SEMA6D: variants seen among roughly 807,000 people sequenced by gnomAD.
SEMA6D encodes the protein semaphorin-6D.
SEMA6D carries 35 observed loss-of-function variants against 106.6 expected under a neutral mutation model. The observed-to-expected ratio is 0.33, with a 90% confidence interval of 0.25 to 0.44. SEMA6D has a LOEUF of 0.44. Ranked by LOEUF, SEMA6D falls within the 20% of genes least tolerant of loss-of-function variation. The pLI is 1.00. For missense variants in SEMA6D, 1,185 were observed against 1,345.9 expected, an observed-to-expected ratio of 0.88 and a Z score of 1.87; for synonymous variants, 499 against 487.7, an observed-to-expected ratio of 1.02 and a Z score of -0.31.
intron 4 of SEMA6D, among the ~76,000 whole-genome samples, chr15:47,698,973 T>A (rs1229516169): frequency 6.6e-6 from 1 of 152,290 alleles, no homozygotes; most frequent in Non-Finnish European, 1.5e-5. Context: ...TAAACTTAAA[T>A]TTAAAATGGC....
At chr15:47,711,805 T>C (rs930683502) in intron 4 of SEMA6D, among the ~76,000 whole-genome samples, 1 of 152,228 alleles carries the variant, frequency 6.6e-6, no homozygotes, top group Non-Finnish European at 1.5e-5. Flanking sequence ...GTGCCTCTTA[T>C]TTGGAAAGAT....
chr15:47,274,584 A>T (rs2034713012), intron 1 of SEMA6D, among the ~76,000 whole-genome samples: 1 of 152,228 alleles, frequency 6.6e-6, no homozygotes, highest in Non-Finnish European at 1.5e-5. Context: ...AGGGAAAGGA[A>T]GTAGACTGTG....
At chr15:47,195,140 G>A (rs1209649565) in intron 1 of SEMA6D, among the ~76,000 whole-genome samples, 1 of 152,010 alleles carries the variant, frequency 6.6e-6, no homozygotes, top group Non-Finnish European at 1.5e-5. Context: ...GAAACAAATG[G>A]CATTTTTACT....
chr15:47,448,601 T>C (rs2042096759), intron 2 of SEMA6D, among the ~76,000 whole-genome samples: 1 of 152,132 alleles, frequency 6.6e-6, no homozygotes, highest in Non-Finnish European at 1.5e-5. Context: ...CAGGGCCTCC[T>C]TGTTGTGAGA....
chr15:47,710,900 T>G (rs2079003965), intron 4 of SEMA6D, among the ~76,000 whole-genome samples: 1 of 152,194 alleles, frequency 6.6e-6, no homozygotes, highest in Admixed American at 6.5e-5. Context: ...CAATTCAAGC[T>G]TCTAGAAGAC....
intron 4 of SEMA6D, among the ~76,000 whole-genome samples, chr15:47,616,019 G>A (rs1265865096): frequency 1.3e-5 from 2 of 152,184 alleles, no homozygotes; most frequent in African/African-American, 2.4e-5. Context: ...AAGTCTTCCT[G>A]TAAATTAGCT....
intron 1 of SEMA6D, among the ~76,000 whole-genome samples, chr15:47,392,673 T>C (rs528476786): frequency 6.6e-6 from 1 of 152,318 alleles, no homozygotes; most frequent in South Asian, 2.1e-4. Flanking sequence ...AAATTCTGAC[T>C]TCTGACTTCC....
At chr15:47,645,747 G>A (rs1052871631) in intron 4 of SEMA6D, among the ~76,000 whole-genome samples, 6 of 152,150 alleles carry the variant, frequency 3.9e-5, no homozygotes, top group Non-Finnish European at 5.9e-5. Flanking sequence ...CCGGGTGGTT[G>A]GCCTGTGCTT....
At chr15:47,504,166 A>G (rs1048287683) in intron 3 of SEMA6D, among the ~76,000 whole-genome samples, 9 of 152,210 alleles carry the variant, frequency 5.9e-5, no homozygotes, top group African/African-American at 2.2e-4. Flanking sequence ...TTTTCACCAA[A>G]GGGTTTGAAA....
At chr15:47,664,960 C>G (rs2077995786) in intron 4 of SEMA6D, among the ~76,000 whole-genome samples, 1 of 152,164 alleles carries the variant, frequency 6.6e-6, no homozygotes. Flanking sequence ...TGTGGGAGGA[C>G]TGTATTTACC....
At position 47,367,680 on chromosome 15, in the gene SEMA6D, GCGCGCGCGCGCGCACA is replaced by G. The variant is rs2039091096; in HGVS notation, c.-238-44711_-238-44696del. ...TTCCCCTAAACACGCACGCTCACAC[GCGCGCGCGCGCGCACA>G]CACACACACACACACACACACACAC... is the stretch of plus-strand genomic sequence containing the variant. On this transcript the variant is annotated intron_variant, in intron 1 of 19. Transcript: ENST00000558014. Among the ~76,000 whole-genome samples, 4 of 39,378 alleles carry G rather than the reference GCGCGCGCGCGCGCACA, an allele frequency of 1.0e-4. No homozygotes were observed. The East Asian group carries it at 1.2e-3, about 12-fold the overall frequency. 25.8% of individuals were successfully genotyped at this position (39,378 alleles called of 152,430 possible). A position where few individuals can be genotyped will look rare whatever the true frequency, so the allele number is the denominator to read the frequency against.
chr15:47,533,818 A>C (rs1441428224), intron 3 of SEMA6D, among the ~76,000 whole-genome samples: 2 of 152,218 alleles, frequency 1.3e-5, no homozygotes, highest in Admixed American at 1.3e-4. Context: ...CATAGAAGCC[A>C]AAACTGGGAT....
At chr15:47,653,312 T>A (rs1398232266) in intron 4 of SEMA6D, among the ~76,000 whole-genome samples, 1 of 152,180 alleles carries the variant, frequency 6.6e-6, no homozygotes, top group Non-Finnish European at 1.5e-5. Flanking sequence ...AAAAAGAAAC[T>A]TGACTCTGCG....
chr15:47,479,335 A>G (rs1496908), intron 3 of SEMA6D, among the ~76,000 whole-genome samples: 39,139 of 151,922 alleles, frequency 0.26, 5,474 homozygotes, highest in Middle Eastern at 0.45. Context: ...CAGGATCTCC[A>G]TCCTCAACCT....
intron 3 of SEMA6D, among the ~76,000 whole-genome samples, chr15:47,544,414 T>C (rs2045453335): frequency 6.6e-6 from 1 of 152,116 alleles, no homozygotes; most frequent in Non-Finnish European, 1.5e-5. Context: ...TGGCTCGAAA[T>C]TGAATATCTA....
At chr15:47,186,804 C>T (rs911544089) in intron 1 of SEMA6D, among the ~76,000 whole-genome samples, 13 of 152,128 alleles carry the variant, frequency 8.5e-5, no homozygotes, top group Non-Finnish European at 1.5e-4. Context: ...GCTTGTTCAT[C>T]TTCTGAAGTC....
chr15:47,379,852 G>A, intron 1 of SEMA6D, among the ~76,000 whole-genome samples: 1 of 152,126 alleles, frequency 6.6e-6, no homozygotes, highest in East Asian at 1.9e-4. Context: ...CCACTTCCTG[G>A]ATTCAAACAA....
chr15:47,435,811 A>G (rs2041683241), intron 2 of SEMA6D, among the ~76,000 whole-genome samples: 1 of 152,090 alleles, frequency 6.6e-6, no homozygotes, highest in African/African-American at 2.4e-5. Context: ...ATTGTGTTTC[A>G]GTTTCCTTAA....
chr15:47,511,924 C>A (rs1309965787), intron 3 of SEMA6D, among the ~76,000 whole-genome samples: 3 of 152,174 alleles, frequency 2.0e-5, no homozygotes, highest in Admixed American at 6.5e-5. Context: ...GGGAAAGCAG[C>A]TTGCCTGACC....
Sources: gnomAD v4.1 joint callset for allele counts (sites outside exome capture counted in the v4.1 genomes callset) on GRCh38, gnomAD v4.1.1 for gene constraint, MANE v1.5 for transcripts, NCBI Gene and HGNC (gene_info 2026-07-23, HGNC 2026-07-21) for gene names.